CTPS2: variants seen among roughly 807,000 people sequenced by gnomAD.
CTPS2 encodes the protein CTP synthase 2.
In CTPS2, 19 loss-of-function variants were observed where a neutral mutation model predicts 46.8. The observed-to-expected ratio is 0.41, with a 90% confidence interval of 0.28 to 0.60. The LOEUF (loss-of-function observed/expected upper bound fraction) is 0.60. CTPS2 is among the 20% of genes least tolerant of loss of function. The probability of loss-of-function intolerance (pLI) is 0.35; values close to 1 mark genes in which losing one functional copy is unlikely to be tolerated. For missense variants in CTPS2, 286 were observed against 447.6 expected (o/e 0.64, Z 3.26); for synonymous variants, 151 against 165.2 (o/e 0.91, Z 0.66).
intron 13 of CTPS2, among the ~76,000 whole-genome samples, chrX:16,664,140 G>A (rs773055854): frequency 8.9e-6 from 1 of 112,200 alleles, no homozygotes; most frequent in East Asian, 2.8e-4. Flanking sequence ...CCGGCCATGT[G>A]TAAAAATTTT....
intron 13 of CTPS2, among the ~76,000 whole-genome samples, chrX:16,644,758 G>A (rs1450560299): frequency 8.9e-6 from 1 of 112,454 alleles, no homozygotes; most frequent in African/African-American, 3.2e-5. Flanking sequence ...TTAAGCCACT[G>A]TGTTTGTGGT....
At chrX:16,621,485 G>A (rs1323993961) in intron 14 of CTPS2, among the ~76,000 whole-genome samples, 4 of 107,869 alleles carry the variant, frequency 3.7e-5, no homozygotes, top group Non-Finnish European at 7.6e-5. Context: ...TAAAAAGAAT[G>A]CCCCTACTGG....
At chrX:16,651,182 G>A in intron 13 of CTPS2, 1 of 1,050,042 alleles carries the variant, frequency 9.5e-7, no homozygotes. Context: ...GGGACTGATG[G>A]TGGGAGGGGA....
rs1321934312 is a variant in CTPS2 at position 16,693,186 on chromosome X, T to C, written c.594A>G (p.Gln198=). Residue 198 remains glutamine (Q), a synonymous_variant, in exon 6 of 19, where the codon CAA becomes CAG. Transcript: ENST00000359276. The part of the protein sequence containing the change: ...ATGEQKTKPT[Q]NSVRALRGLG... The stretch of plus-strand genomic sequence containing the variant: ...AACCCCTCAGTGCGCGGACGCTGTT[T>C]TGGGTGGGTTTGGTTTTTTGTTCTC... 11 of 1,208,660 alleles carry C rather than the reference T, an allele frequency of 9.1e-6. No homozygotes were observed. Among genetic ancestry groups the C allele is most frequent in the Non-Finnish European group, 1.1e-5 (10 of 894,538 alleles).
intron 13 of CTPS2, among the ~76,000 whole-genome samples, chrX:16,649,454 G>A (rs977046076): frequency 1.8e-5 from 2 of 112,117 alleles, no homozygotes; most frequent in Non-Finnish European, 3.8e-5. Context: ...TGGCCATACC[G>A]TAATTTTTTA....
intron 13 of CTPS2, among the ~76,000 whole-genome samples, chrX:16,658,940 A>G (rs756429249): frequency 8.9e-6 from 1 of 112,368 alleles, no homozygotes; most frequent in African/African-American, 3.2e-5. Flanking sequence ...TTGTTCAATC[A>G]ATATAATGTG....
chrX:16,612,289 A>G (rs892642060), intron 16 of CTPS2, among the ~76,000 whole-genome samples: 6 of 111,893 alleles, frequency 5.4e-5, no homozygotes, highest in African/African-American at 1.6e-4. Context: ...AGATTCGTGG[A>G]TATGTTTCCA....
chrX:16,635,391 G>A (rs937481279), intron 14 of CTPS2, among the ~76,000 whole-genome samples: 3 of 111,567 alleles, frequency 2.7e-5, no homozygotes, highest in East Asian at 2.8e-4. Flanking sequence ...AAACACTATC[G>A]GCCAGGCACG....
At chrX:16,671,499 A>AT (rs1921740860) in intron 10 of CTPS2, among the ~76,000 whole-genome samples, 1 of 69,643 alleles carries the variant, frequency 1.4e-5, no homozygotes, top group Non-Finnish European at 2.7e-5. Flanking sequence ...GTCCAGTAAC[A>AT]TTTTTCTTTT....
chrX:16,646,234 C>T (rs761819465), intron 13 of CTPS2, among the ~76,000 whole-genome samples: 9 of 112,357 alleles, frequency 8.0e-5, no homozygotes, highest in South Asian at 3.7e-4. Flanking sequence ...GCATGTGGCA[C>T]GGTGGTTGAG....
intron 13 of CTPS2, among the ~76,000 whole-genome samples, chrX:16,653,154 C>T (rs1412714286): frequency 9.0e-6 from 1 of 110,582 alleles, no homozygotes; most frequent in East Asian, 2.8e-4. Context: ...ACAAACTGAA[C>T]TGTTATTTCA....
chrX:16,607,079 G>T (rs755160958), intron 17 of CTPS2, among the ~76,000 whole-genome samples: 1 of 112,880 alleles, frequency 8.9e-6, no homozygotes, highest in Non-Finnish European at 1.9e-5. Flanking sequence ...ACCACCACCC[G>T]CCATGCGGGA....
intron 14 of CTPS2, among the ~76,000 whole-genome samples, chrX:16,623,413 C>G (rs1930942562): frequency 9.0e-6 from 1 of 111,550 alleles, no homozygotes; most frequent in Non-Finnish European, 1.9e-5. Context: ...TACCAGCCCC[C>G]CACTACCCTT....
At chrX:16,678,079 T>G (rs1175619422) in intron 10 of CTPS2, among the ~76,000 whole-genome samples, 1 of 111,934 alleles carries the variant, frequency 8.9e-6, no homozygotes, top group Non-Finnish European at 1.9e-5. Context: ...TCCAGGAGAA[T>G]CAACACACTT....
chrX:16,709,848 CAAA>C (rs35017705), intron 1 of CTPS2, among the ~76,000 whole-genome samples: 2 of 23,752 alleles, frequency 8.4e-5, no homozygotes, highest in Middle Eastern at 0.048. Context: ...ACTCTGTCTC[CAAA>C]AAAAAAAAAA....
At chrX:16,691,026 C>T (rs1487072939) in intron 7 of CTPS2, among the ~76,000 whole-genome samples, 5 of 112,429 alleles carry the variant, frequency 4.4e-5, no homozygotes, top group Non-Finnish European at 9.4e-5. Context: ...AGTTAAACAC[C>T]CACCCTGGTA....
chrX:16,606,857 G>A (rs1449584058), intron 17 of CTPS2, among the ~76,000 whole-genome samples: 1 of 111,665 alleles, frequency 9.0e-6, no homozygotes, highest in East Asian at 2.8e-4. Context: ...TGCCTCCCGG[G>A]TTCAAACGCT....
chrX:16,674,490 A>C (rs1466021245), intron 10 of CTPS2, among the ~76,000 whole-genome samples: 1 of 111,795 alleles, frequency 8.9e-6, no homozygotes, highest in Admixed American at 9.5e-5. Flanking sequence ...TAGATAAGAT[A>C]AAGCTGAAAG....
chrX:16,613,994 C>T (rs1027254289), intron 16 of CTPS2, among the ~76,000 whole-genome samples: 8 of 111,260 alleles, frequency 7.2e-5, no homozygotes, highest in African/African-American at 2.6e-4. Context: ...CTGCCAAACA[C>T]TCTACAACAG....
Sources: gnomAD v4.1 joint callset for allele counts (sites outside exome capture counted in the v4.1 genomes callset) on GRCh38, gnomAD v4.1.1 for gene constraint, MANE v1.5 for transcripts, NCBI Gene and HGNC (gene_info 2026-07-23, HGNC 2026-07-21) for gene names.